Variants in ATP11B observed in about 807,000 individuals in gnomAD.
ATP11B encodes phospholipid-transporting ATPase IF.
ATP11B carries 81 observed loss-of-function variants against 157.8 expected under a neutral mutation model. That is an observed-to-expected ratio of 0.51 (90% CI 0.43 to 0.62). ATP11B has a LOEUF of 0.62. ATP11B is among the 20% of genes least tolerant of loss of function. The pLI is 0.00. For missense variants in ATP11B, 1,165 were observed against 1,402.2 expected, an observed-to-expected ratio of 0.83 and a Z score of 2.70; for synonymous variants, 451 against 469.4, an observed-to-expected ratio of 0.96 and a Z score of 0.51.
Position 182,866,312 on chromosome 3 carries a change from C to T in ATP11B, c.1488C>T (p.His496=). 1 of 1,611,662 alleles carries T rather than the reference C, an allele frequency of 6.2e-7. No individual in the cohort carries two copies. Among genetic ancestry groups the T allele is most frequent in the Admixed American group, 1.7e-5 (1 of 59,866 alleles). Residue 496 remains histidine (H), a synonymous_variant, in exon 14 of 30, where the codon CAC becomes CAT. Transcript: ENST00000323116. ...TCTTTAAAGCAGTCAGTCTCTGTCA[C>T]ACTGTACAGATTAGCAATGTTCAAA... The part of the protein sequence containing the change: ...DLFFKAVSLC[H]TVQISNVQTD...
chr3:182,856,376 A>G (rs533515821), intron 10 of ATP11B, among the ~76,000 whole-genome samples: 37 of 152,320 alleles, frequency 2.4e-4, no homozygotes, highest in Admixed American at 1.1e-3. Context: ...AAATTTTGAA[A>G]AATAGGTTAG....
At chr3:182,897,914 T>A (rs147565617) in intron 27 of ATP11B, among the ~76,000 whole-genome samples, 1 of 152,184 alleles carries the variant, frequency 6.6e-6, no homozygotes, top group Admixed American at 6.5e-5. Flanking sequence ...AAAATTAATG[T>A]TTCTCCTAAG....
chr3:182,852,857 G>A (rs931885936), intron 10 of ATP11B, among the ~76,000 whole-genome samples: 3 of 152,188 alleles, frequency 2.0e-5, no homozygotes, highest in African/African-American at 7.2e-5. Context: ...TCATCGAAAT[G>A]TAAGACTTAA....
At chr3:182,891,833 G>A (rs770565040) in intron 25 of ATP11B, among the ~76,000 whole-genome samples, 9 of 152,098 alleles carry the variant, frequency 5.9e-5, no homozygotes, top group Non-Finnish European at 1.2e-4. Flanking sequence ...TGTAGTCATC[G>A]TTTGAGTGAT....
In ATP11B at chr3:182,873,794, T is replaced by C; in HGVS notation, c.2049-18T>C. On this transcript the variant is annotated intron_variant, in intron 18 of 29. Transcript: ENST00000323116. Reference sequence around the variant, plus strand: ...ATAAAAGTATTCTCTACTACTAATTTGTTTCTGTTCTTTTCAGACTACAAG... The same window carrying C: ...ATAAAAGTATTCTCTACTACTAATTCGTTTCTGTTCTTTTCAGACTACAAG... The C allele has an allele frequency of 1.9e-6, 3 of 1,600,792 alleles. No individual in the cohort carries two copies. The highest frequency in any genetic ancestry group is 2.6e-6 in the Non-Finnish European group (3 of 1,168,256).
chr3:182,813,887 C>A (rs763089267), intron 1 of ATP11B, among the ~76,000 whole-genome samples: 4 of 151,864 alleles, frequency 2.6e-5, no homozygotes, highest in Non-Finnish European at 5.9e-5. Context: ...GCTACCCCAT[C>A]CGGCTAATTT....
At chr3:182,794,106 T>G (rs954972809) in intron 1 of ATP11B, among the ~76,000 whole-genome samples, 1 of 151,852 alleles carries the variant, frequency 6.6e-6, no homozygotes, top group African/African-American at 2.4e-5. Flanking sequence ...CCGAGCGGGG[T>G]GGCGGTGCCC....
Position 182,801,283 on chromosome 3 carries a change from TC to T in ATP11B, c.27+7502del, listed in dbSNP as rs963309901. 9.4e-4 allele frequency among the ~76,000 whole-genome samples: 143 copies of T among 152,256 alleles called. 2 individuals carry two copies. The highest frequency in any genetic ancestry group is 3.2e-3 in the African/African-American group (131 of 41,542). ...TCCACATTTTAATTGGAAGTGAAGT[TC>T]CCCCTCAGGAAAGGAGGAAGAATAG... On this transcript the variant is annotated intron_variant, in intron 1 of 29. Coordinates refer to ENST00000323116, the MANE Select transcript of ATP11B (RefSeq NM_014616.3).
At chr3:182,799,208 T>G (rs896431294) in intron 1 of ATP11B, among the ~76,000 whole-genome samples, 1 of 152,124 alleles carries the variant, frequency 6.6e-6, no homozygotes, top group African/African-American at 2.4e-5. Flanking sequence ...TGCTGTGGGG[T>G]TCTAGATTTA....
intron 2 of ATP11B, among the ~76,000 whole-genome samples, chr3:182,822,762 C>A (rs1456730441): frequency 6.6e-6 from 1 of 152,216 alleles, no homozygotes; most frequent in Middle Eastern, 3.2e-3. Flanking sequence ...TATTTCTCCA[C>A]ATCCTCTCCA....
In ATP11B at chr3:182,896,795, C is replaced by A. The variant is rs755260785; in HGVS notation, c.3048+30C>A. ...GGTACTGAAATTAGAAATGTGGACA[C>A]ATTTTGCAACTGTTTACATAGTTAG... On this transcript the variant is annotated intron_variant, in intron 26 of 29. Transcript: ENST00000323116. 6 of 1,539,348 alleles carry A rather than the reference C, an allele frequency of 3.9e-6. No individual in the cohort carries two copies. The East Asian group carries it at 1.4e-4, about 35-fold the overall frequency.
chr3:182,837,713 T>C lies in ATP11B; in HGVS notation c.656+539T>C, dbSNP rs138470267. Among the ~76,000 whole-genome samples the C allele has an allele frequency of 1.2e-3, 185 of 151,626 alleles. 3 individuals carry two copies. In the East Asian group the frequency reaches 0.035, roughly 28 times the overall value. On this transcript the variant is annotated intron_variant, in intron 7 of 29. Transcript: ENST00000323116. ...AAGACAGAAACTATTATTCATCTTATTATCTATCACAGTGAACACAAAATA... is the reference window on the plus strand; with the variant it reads ...AAGACAGAAACTATTATTCATCTTACTATCTATCACAGTGAACACAAAATA...
At chr3:182,870,931 A>G (rs1166717967) in intron 17 of ATP11B, among the ~76,000 whole-genome samples, 3 of 151,150 alleles carry the variant, frequency 2.0e-5, no homozygotes, top group Admixed American at 6.6e-5. Context: ...CCGTCTGAAA[A>G]AAAAAAAAAA....
chr3:182,907,087 C>T (rs1168514268), intron 28 of ATP11B, among the ~76,000 whole-genome samples: 9 of 129,184 alleles, frequency 7.0e-5, no homozygotes, highest in African/African-American at 1.4e-4. Flanking sequence ...AGTGAGACTC[C>T]GTCTCAAAAA....
intron 26 of ATP11B, 114 bp downstream of exon 26, chr3:182,896,879 A>G: frequency 1.3e-6 from 1 of 753,220 alleles, no homozygotes; most frequent in Non-Finnish European, 2.2e-6. Flanking sequence ...TTCAATAACG[A>G]TTAATTTCAC....
intron 10 of ATP11B, among the ~76,000 whole-genome samples, chr3:182,854,282 C>T (rs889273432): frequency 2.0e-5 from 3 of 152,064 alleles, no homozygotes; most frequent in Non-Finnish European, 4.4e-5. Flanking sequence ...CCAGCCTGAC[C>T]AACATGGAGA....
intron 7 of ATP11B, among the ~76,000 whole-genome samples, chr3:182,840,262 CCTCA>C (rs1432776864): frequency 6.6e-6 from 1 of 152,108 alleles, no homozygotes; most frequent in East Asian, 1.9e-4. Context: ...TTACCTCCTA[CCTCA>C]CTATTCCCTC....
intron 7 of ATP11B, among the ~76,000 whole-genome samples, chr3:182,840,436 T>C (rs1442090525): frequency 1.3e-5 from 2 of 152,222 alleles, no homozygotes; most frequent in Non-Finnish European, 2.9e-5. Flanking sequence ...ACTGTCTACA[T>C]GCTGCTGACT....
At chr3:182,875,236 G>A (rs1413678297) in intron 19 of ATP11B, among the ~76,000 whole-genome samples, 1 of 152,096 alleles carries the variant, frequency 6.6e-6, no homozygotes, top group African/African-American at 2.4e-5. Flanking sequence ...TCTGTTGTTT[G>A]CTGTCTTGTG....
Sources: gnomAD v4.1 joint callset for allele counts (sites outside exome capture counted in the v4.1 genomes callset) on GRCh38, gnomAD v4.1.1 for gene constraint, MANE v1.5 for transcripts, NCBI Gene and HGNC (gene_info 2026-07-23, HGNC 2026-07-21) for gene names.